The following SDK1 variants were observed in gnomAD, a reference collection of about 807,000 sequenced individuals.
The protein encoded by SDK1 is protein sidekick-1.
In SDK1, 157 loss-of-function variants were observed where a neutral mutation model predicts 245.5. That is an observed-to-expected ratio of 0.64 (90% CI 0.56 to 0.73). The LOEUF is 0.73. Ranked by LOEUF, SDK1 falls within the 30% of genes least tolerant of loss-of-function variation. SDK1 has a pLI of 0.00. For missense variants in SDK1, 3,583 were observed against 3,002.3 expected (o/e 1.19, Z -4.52); for synonymous variants, 1,647 against 1,278.5 (o/e 1.29, Z -6.15).
In SDK1 at chr7:3,602,381, G is replaced by A. The variant is rs559066961; in HGVS notation, c.299-16699G>A. ...TAATGATTGCTATTCTAACTGGTGT[G>A]AGATGGTATCTCATAGTGGTTTTGA... is the stretch of plus-strand genomic sequence containing the variant. On this transcript the variant is annotated intron_variant, in intron 1 of 44. Coordinates refer to ENST00000404826, the MANE Select transcript of SDK1 (RefSeq NM_152744.4). 3.9e-5 allele frequency among the ~76,000 whole-genome samples: 6 copies of A among 152,022 alleles called. No individual in the cohort carries two copies. In the South Asian group the frequency reaches 1.0e-3, roughly 26 times the overall value.
At chr7:3,412,426 C>G (rs529233152) in intron 1 of SDK1, among the ~76,000 whole-genome samples, 8 of 152,308 alleles carry the variant, frequency 5.3e-5, no homozygotes, top group Non-Finnish European at 1.2e-4. Flanking sequence ...CAGTTTGTGA[C>G]TATGTAATTA....
At chr7:3,372,697 G>A (rs1781257208) in intron 1 of SDK1, among the ~76,000 whole-genome samples, 1 of 152,144 alleles carries the variant, frequency 6.6e-6, no homozygotes. Flanking sequence ...TTTGTTACTT[G>A]CAGCTGACTA....
chr7:3,853,158 T>A (rs995069997), intron 5 of SDK1, among the ~76,000 whole-genome samples: 3 of 151,228 alleles, frequency 2.0e-5, no homozygotes, highest in Non-Finnish European at 4.4e-5. Context: ...AAAAAAAAAA[T>A]GTGCATAGAA....
intron 3 of SDK1, among the ~76,000 whole-genome samples, chr7:3,639,627 A>G (rs923642003): frequency 6.6e-6 from 1 of 152,142 alleles, no homozygotes; most frequent in African/African-American, 2.4e-5. Context: ...GAAACTTTTA[A>G]AAGTAAACAA....
At chr7:3,566,359 G>T (rs1779917548) in intron 1 of SDK1, among the ~76,000 whole-genome samples, 1 of 151,418 alleles carries the variant, frequency 6.6e-6, no homozygotes, top group African/African-American at 2.4e-5. Flanking sequence ...TGAGTAACTG[G>T]GACTACAGGC....
At chr7:4,198,508 A>C (rs1783708821) in intron 35 of SDK1, among the ~76,000 whole-genome samples, 1 of 152,238 alleles carries the variant, frequency 6.6e-6, no homozygotes, top group Admixed American at 6.5e-5. Flanking sequence ...TCAGCGGCCA[A>C]GCCTAGCCCA....
intron 4 of SDK1, among the ~76,000 whole-genome samples, chr7:3,753,224 T>G (rs2115066986): frequency 6.6e-6 from 1 of 152,324 alleles, no homozygotes; most frequent in South Asian, 2.1e-4. Context: ...TGTATGGAAA[T>G]AAAAATTATA....
intron 5 of SDK1, among the ~76,000 whole-genome samples, chr7:3,908,829 A>ATT (rs200107496): frequency 1.1e-4 from 14 of 131,192 alleles, no homozygotes; most frequent in African/African-American, 4.1e-4. Flanking sequence ...GAAAGAATTC[A>ATT]TTTTTTTTTT....
intron 44 of SDK1, among the ~76,000 whole-genome samples, chr7:4,248,916 CACAT>C (rs1562480099): frequency 6.8e-6 from 1 of 147,930 alleles, no homozygotes; most frequent in African/African-American, 2.7e-5. Flanking sequence ...CCACCATGCA[CACAT>C]ACACATATGT....
intron 1 of SDK1, among the ~76,000 whole-genome samples, chr7:3,329,158 G>T (rs1175439371): frequency 2.0e-5 from 3 of 151,994 alleles, no homozygotes. Flanking sequence ...TGAAGAAAAG[G>T]TTATATATGT....
intron 8 of SDK1, 64 bp downstream of exon 8, chr7:3,959,078 C>A: frequency 8.0e-7 from 1 of 1,242,604 alleles, no homozygotes; most frequent in Non-Finnish European, 1.2e-6. Flanking sequence ...AACCTTTTTC[C>A]ATAGCAGAAT....
At position 4,221,219 on chromosome 7, in the gene SDK1, T is replaced by C; in HGVS notation, c.5702-20T>C. ...CCGCAGGGCTGATGCCTCACCTCTC[T>C]TTTCTTCTTTATCCCGCAGGATCCC... is the stretch of plus-strand genomic sequence containing the variant. On this transcript the variant is annotated intron_variant, in intron 39 of 44. Transcript: ENST00000404826. 1 of 1,612,018 alleles carries C rather than the reference T, an allele frequency of 6.2e-7. No homozygotes were observed. The highest frequency in any genetic ancestry group is 8.5e-7 in the Non-Finnish European group (1 of 1,179,768).
intron 4 of SDK1, among the ~76,000 whole-genome samples, chr7:3,810,895 G>C (rs543306430): frequency 6.6e-6 from 1 of 152,284 alleles, no homozygotes; most frequent in African/African-American, 2.4e-5. Context: ...GTACGCTCTT[G>C]AGCAGATGGG....
At chr7:3,376,407 G>A (rs1781357042) in intron 1 of SDK1, among the ~76,000 whole-genome samples, 1 of 152,088 alleles carries the variant, frequency 6.6e-6, no homozygotes, top group South Asian at 2.1e-4. Context: ...TGAGCAACCT[G>A]TATTACAAAA....
At chr7:3,550,184 TTATACA>T (rs916986436) in intron 1 of SDK1, among the ~76,000 whole-genome samples, 2 of 152,196 alleles carry the variant, frequency 1.3e-5, no homozygotes, top group Non-Finnish European at 2.9e-5. Flanking sequence ...TATGTATATC[TTATACA>T]TATATAATTG....
At chr7:3,552,592 C>A (rs1450797961) in intron 1 of SDK1, among the ~76,000 whole-genome samples, 1 of 152,158 alleles carries the variant, frequency 6.6e-6, no homozygotes, top group African/African-American at 2.4e-5. Flanking sequence ...TTTTAGAGAG[C>A]CTCACTTCTG....
intron 2 of SDK1, among the ~76,000 whole-genome samples, chr7:3,636,910 G>A (rs1331431135): frequency 6.6e-6 from 1 of 152,082 alleles, no homozygotes; most frequent in Admixed American, 6.5e-5. Context: ...TTATGGTTTG[G>A]GTTTGCATTT....
At chr7:3,781,808 T>C (rs751115414) in intron 4 of SDK1, among the ~76,000 whole-genome samples, 5 of 152,046 alleles carry the variant, frequency 3.3e-5, no homozygotes, top group Non-Finnish European at 5.9e-5. Flanking sequence ...CAGAAGACAC[T>C]GTCGAGCAGA....
At chr7:3,924,540 G>A (rs1457093734) in intron 5 of SDK1, among the ~76,000 whole-genome samples, 1 of 152,162 alleles carries the variant, frequency 6.6e-6, no homozygotes, top group Non-Finnish European at 1.5e-5. Context: ...GAGAATGACC[G>A]ATGCTGCCAG....
Sources: gnomAD v4.1 joint callset for allele counts (sites outside exome capture counted in the v4.1 genomes callset) on GRCh38, gnomAD v4.1.1 for gene constraint, MANE v1.5 for transcripts, NCBI Gene and HGNC (gene_info 2026-07-23, HGNC 2026-07-21) for gene names.